DDX23: variants seen among roughly 807,000 people sequenced by gnomAD.
DDX23 encodes probable ATP-dependent RNA helicase DDX23.
In DDX23, 33 loss-of-function variants were observed where a neutral mutation model predicts 102.7. The observed-to-expected ratio is 0.32, with a 90% CI of 0.24 to 0.43. The LOEUF (loss-of-function observed/expected upper bound fraction) is 0.43. Ranked by LOEUF, DDX23 falls within the 20% of genes least tolerant of loss-of-function variation. DDX23 has a pLI of 1.00. For missense variants in DDX23, 549 were observed against 1,086.6 expected, an observed-to-expected ratio of 0.51 and a Z score of 6.96; for synonymous variants, 352 against 376.0, an observed-to-expected ratio of 0.94 and a Z score of 0.74.
chr12:48,847,066 C>T (rs1320430826), intron 1 of DDX23, among the ~76,000 whole-genome samples: 1 of 152,180 alleles, frequency 6.6e-6, no homozygotes, highest in Non-Finnish European at 1.5e-5. Context: ...TCATGCCATT[C>T]CCTGCCATAT....
chr12:48,848,479 AG>A (rs1404702296), intron 1 of DDX23, among the ~76,000 whole-genome samples: 1 of 152,230 alleles, frequency 6.6e-6, no homozygotes, highest in Non-Finnish European at 1.5e-5. Flanking sequence ...TTGACATTTA[AG>A]CTGAGACTTG....
At chr12:48,840,550 A>T (rs562536922) in intron 3 of DDX23, among the ~76,000 whole-genome samples, 64 of 131,950 alleles carry the variant, frequency 4.9e-4, no homozygotes, top group Middle Eastern at 3.8e-3. Context: ...TTAGAGAAAA[A>T]TTTTTTTTTT....
intron 3 of DDX23, among the ~76,000 whole-genome samples, chr12:48,842,825 T>C (rs1455326813): frequency 6.6e-6 from 1 of 152,142 alleles, no homozygotes; most frequent in Non-Finnish European, 1.5e-5. Flanking sequence ...GAACGGACCA[T>C]GATGACAGTG....
intron 1 of DDX23, among the ~76,000 whole-genome samples, chr12:48,847,073 A>G (rs953542431): frequency 1.3e-5 from 2 of 152,238 alleles, no homozygotes; most frequent in African/African-American, 4.8e-5. Flanking sequence ...ATTCCCTGCC[A>G]TATATCCTTA....
In DDX23 at chr12:48,834,585, G is replaced by T. The variant is rs1237941158; in HGVS notation, c.1383-88C>A. ...AGCAAGACAAAGTCACTCTTACGGG[G>T]AGCAATGGGAATGGGGAGGATGATG... On this transcript the variant is annotated intron_variant, in intron 11 of 16. Coordinates refer to ENST00000308025, the MANE Select transcript of DDX23 (RefSeq NM_004818.3). 6 of 1,258,150 alleles carry T rather than the reference G, an allele frequency of 4.8e-6. 1 individual carries two copies. Among genetic ancestry groups the T allele is most frequent in the Non-Finnish European group, 6.7e-6 (6 of 892,882 alleles). The allele number at this position is 1,258,150 out of a possible 1,614,324, so 77.9% of individuals were successfully genotyped here. A position where few individuals can be genotyped will look rare whatever the true frequency, so the allele number is the denominator to read the frequency against.
Position 48,837,285 on chromosome 12 carries a change from G to A in DDX23, c.862C>T (p.Pro288Ser). The change falls in exon 8 of 17, where the codon CCC (proline) becomes TCC (serine). Residue 288 changes from proline to serine, a missense_variant. Physicochemically the swap from Pro to Ser is moderately conservative, Grantham distance 74 (BLOSUM62 -1). Transcript: ENST00000308025. The part of the protein sequence containing the change: ...ASEDTSIDYN[P>S]LYKERHQVQL... ...CTCAGGCCTGAAGCCACTCACAGGG[G>A]GTTGTAGTCAATGGATGTGTCCTCA... 6.2e-7 allele frequency: 1 copy of A among 1,613,810 alleles called. No homozygotes were observed. The highest frequency in any genetic ancestry group is 8.5e-7 in the Non-Finnish European group (1 of 1,179,742).
intron 3 of DDX23, among the ~76,000 whole-genome samples, chr12:48,840,396 C>A (rs1001367208): frequency 6.6e-6 from 1 of 152,042 alleles, no homozygotes; most frequent in African/African-American, 2.4e-5. Context: ...CTAGGCCAGG[C>A]GCGGTGTCTC....
chr12:48,833,590 C>T, intron 12 of DDX23, 71 bp from the exon 13 acceptor site: 1 of 1,557,228 alleles, frequency 6.4e-7, no homozygotes, highest in Non-Finnish European at 8.7e-7. Context: ...AACTATCCAC[C>T]CACTTGGGTG....
intron 3 of DDX23, among the ~76,000 whole-genome samples, chr12:48,842,567 C>G (rs1190768782): frequency 8.0e-5 from 12 of 149,850 alleles, no homozygotes; most frequent in Non-Finnish European, 1.8e-4. Flanking sequence ...GCCCCCCGCC[C>G]GGCCAGCCGC....
At chr12:48,831,813 G>A (rs374781333) in intron 15 of DDX23, 6 of 541,916 alleles carry the variant, frequency 1.1e-5, no homozygotes, top group East Asian at 6.2e-5. Flanking sequence ...CAGGATATGG[G>A]TCTCAAACCT....
chr12:48,843,986 G>T lies in DDX23; in HGVS notation c.274C>A (p.Arg92=), dbSNP rs770829636. The change falls in exon 3 of 17, where the codon CGA becomes AGA. Residue 92 remains arginine, a synonymous_variant. Coordinates refer to ENST00000308025, the MANE Select transcript of DDX23 (RefSeq NM_004818.3). The part of the protein sequence containing the change: ...ERDRNKKDRD[R]DKDGHRRDKD... ...TCCCGTCTGTGCCCATCCTTGTCTC[G>T]ATCTCGGTCCTTCTTATTCCGATCC... is the stretch of plus-strand genomic sequence containing the variant. The T allele has an allele frequency of 4.3e-6, 7 of 1,614,024 alleles. No homozygotes were observed. Among genetic ancestry groups the T allele is most frequent in the Non-Finnish European group, 4.2e-6 (5 of 1,180,018 alleles).
chr12:48,835,105 C>T, intron 11 of DDX23: 2 of 193,262 alleles, frequency 1.0e-5, no homozygotes, highest in South Asian at 7.0e-5. Context: ...ATTAGCTGGG[C>T]ATGTTCGAAC....
chr12:48,850,236 T>C (rs1335154341), intron 1 of DDX23, among the ~76,000 whole-genome samples: 1 of 152,114 alleles, frequency 6.6e-6, no homozygotes, highest in East Asian at 1.9e-4. Context: ...AGAGTATATT[T>C]TGGAGGCAAA....
intron 3 of DDX23, among the ~76,000 whole-genome samples, chr12:48,840,573 GAC>G (rs1185679508): frequency 7.2e-6 from 1 of 137,992 alleles, no homozygotes; most frequent in Non-Finnish European, 1.5e-5. Flanking sequence ...TTTTTTTTGA[GAC>G]ACAGTCTCAC....
Position 48,839,811 on chromosome 12 carries a change from T to G in DDX23, c.480+33A>C, listed in dbSNP as rs765983954. On this transcript the variant is annotated intron_variant, in intron 5 of 16. Transcript: ENST00000308025. ...TCTGTGGTATTGTGTTATGGCAGCC[T>G]GAGCCGATGAATGAAGACCCTCAAG... 6.8e-6 allele frequency: 11 copies of G among 1,610,676 alleles called. No individual in the cohort carries two copies. In the Admixed American group the frequency reaches 1.8e-4, roughly 27 times the overall value.
chr12:48,841,183 C>G (rs1293761083), intron 3 of DDX23, among the ~76,000 whole-genome samples: 1 of 151,904 alleles, frequency 6.6e-6, no homozygotes, highest in African/African-American at 2.4e-5. Context: ...GTCAAGAGTT[C>G]GAGACCAGCC....
intron 12 of DDX23, among the ~76,000 whole-genome samples, chr12:48,834,014 A>G (rs985903972): frequency 2.0e-5 from 3 of 152,208 alleles, no homozygotes. Flanking sequence ...CAGGCTATGG[A>G]TATGAGTCTC....
intron 3 of DDX23, among the ~76,000 whole-genome samples, chr12:48,842,840 T>C (rs1325694040): frequency 6.6e-6 from 1 of 151,742 alleles, no homozygotes; most frequent in Non-Finnish European, 1.5e-5. Flanking sequence ...ACAGTGGCGG[T>C]TTTGTGGAAT....
chr12:48,831,526 A>C (rs1334005829), intron 15 of DDX23, among the ~76,000 whole-genome samples: 1 of 152,192 alleles, frequency 6.6e-6, no homozygotes, highest in Non-Finnish European at 1.5e-5. Context: ...TGTGGCAGGG[A>C]CACACAGAGT....
Sources: gnomAD v4.1 joint callset for allele counts (sites outside exome capture counted in the v4.1 genomes callset) on GRCh38, gnomAD v4.1.1 for gene constraint, MANE v1.5 for transcripts, NCBI Gene and HGNC (gene_info 2026-07-23, HGNC 2026-07-21) for gene names.